Variants in BASP1 observed in about 807,000 individuals in gnomAD.
The protein encoded by BASP1 is brain acid soluble protein 1.
In BASP1, 1 loss-of-function variant was observed where a neutral mutation model predicts 2.2. The observed-to-expected ratio is 0.46, with a 90% confidence interval of 0.16 to 2.17. The LOEUF (loss-of-function observed/expected upper bound fraction) is 2.17, where lower values mean the gene tolerates loss of function less well. BASP1 is among the 30% of genes most tolerant of loss of function. The pLI is 0.27. For synonymous variants in BASP1, 187 were observed against 154.2 expected (o/e 1.21, Z -1.58); for missense variants, 352 against 327.2 (o/e 1.08, Z -0.58).
At chr5:17,230,936 C>T (rs929026500) in intron 1 of BASP1, among the ~76,000 whole-genome samples, 2 of 152,106 alleles carry the variant, frequency 1.3e-5, no homozygotes, top group Non-Finnish European at 2.9e-5. Context: ...GCTTTCCTGG[C>T]TCAAATTTAA....
intron 1 of BASP1, among the ~76,000 whole-genome samples, chr5:17,271,437 C>T (rs182341890): frequency 2.6e-5 from 4 of 152,208 alleles, no homozygotes; most frequent in Non-Finnish European, 5.9e-5. Flanking sequence ...AGGACAGCTC[C>T]AGAATTAGCT....
intron 1 of BASP1, among the ~76,000 whole-genome samples, chr5:17,253,463 T>C (rs1449864438): frequency 1.3e-5 from 2 of 152,216 alleles, no homozygotes; most frequent in Non-Finnish European, 2.9e-5. Context: ...TCCTCCTACC[T>C]TGGCCTCCCA....
At chr5:17,272,071 G>GAAAAAAAAAAAAA (rs778258451) in intron 1 of BASP1, among the ~76,000 whole-genome samples, 1 of 60,234 alleles carries the variant, frequency 1.7e-5, no homozygotes, top group Admixed American at 1.9e-4. Flanking sequence ...TGCATTTCAA[G>GAAAAAAAAAAAAA]AAAAAAAAAA....
At chr5:17,240,665 G>C (rs1240301011) in intron 1 of BASP1, 2 of 152,144 alleles carry the variant, frequency 1.3e-5, no homozygotes, top group African/African-American at 4.8e-5. Context: ...AGATGAACAT[G>C]GCTGCTATGC....
chr5:17,218,348 G>C (rs1739311219), intron 1 of BASP1, among the ~76,000 whole-genome samples: 2 of 152,088 alleles, frequency 1.3e-5, no homozygotes, highest in Admixed American at 6.5e-5. Context: ...GGAAGTGGGT[G>C]GCTTTTTGCT....
At chr5:17,269,949 G>A (rs62348043) in intron 1 of BASP1, among the ~76,000 whole-genome samples, 43,680 of 152,104 alleles carry the variant, frequency 0.29, 7,659 homozygotes, top group Non-Finnish European at 0.38. Flanking sequence ...CTTGGACCAA[G>A]TGATGAAGAG....
intron 1 of BASP1, among the ~76,000 whole-genome samples, chr5:17,226,768 T>TA (rs1739516796): frequency 6.6e-6 from 1 of 152,188 alleles, no homozygotes; most frequent in African/African-American, 2.4e-5. Flanking sequence ...AGATTGACTT[T>TA]AGATGGACAG....
chr5:17,227,440 C>T (rs1469639315), intron 1 of BASP1, among the ~76,000 whole-genome samples: 6 of 151,734 alleles, frequency 4.0e-5, no homozygotes, highest in African/African-American at 7.3e-5. Flanking sequence ...CTCGCCGTGT[C>T]GCCCAGGCTG....
intron 1 of BASP1, among the ~76,000 whole-genome samples, chr5:17,220,619 A>G (rs1739377513): frequency 6.6e-6 from 1 of 152,190 alleles, no homozygotes; most frequent in Non-Finnish European, 1.5e-5. Context: ...TCTGTTCTTT[A>G]ACTGGTACTC....
At chr5:17,269,133 G>C (rs1164261021) in intron 1 of BASP1, among the ~76,000 whole-genome samples, 1 of 152,170 alleles carries the variant, frequency 6.6e-6, no homozygotes, top group East Asian at 1.9e-4. Context: ...ACCTTACCTT[G>C]CTGACCTAGC....
chr5:17,239,829 G>T lies in BASP1; in HGVS notation c.-10+22019G>T, dbSNP rs1444008459. ...TTTGTACTAATTCAAAATCCTCTTT[G>T]CTGGTAACCGTTGTAATGAGGTCTT... On this transcript the variant is annotated intron_variant, in intron 1 of 1. Transcript: ENST00000322611. 2.0e-5 allele frequency among the ~76,000 whole-genome samples: 3 copies of T among 152,142 alleles called. No individual in the cohort carries two copies. The East Asian group carries it at 5.8e-4, about 29-fold the overall frequency.
intron 1 of BASP1, among the ~76,000 whole-genome samples, chr5:17,242,074 T>C (rs1012033880): frequency 3.3e-5 from 5 of 152,316 alleles, no homozygotes; most frequent in African/African-American, 1.2e-4. Context: ...CTTGATTGGC[T>C]GAGGAAGGGG....
chr5:17,231,779 A>G (rs1293001578), intron 1 of BASP1, among the ~76,000 whole-genome samples: 1 of 152,150 alleles, frequency 6.6e-6, no homozygotes, highest in Non-Finnish European at 1.5e-5. Context: ...TCTAGATTAA[A>G]ACATCCAGGA....
Position 17,275,805 on chromosome 5 carries a change from C to T in BASP1, c.589C>T (p.Pro197Ser), listed in dbSNP as rs1000055621. ...AGCCACGGAAGCGCCTAGTTCCACA[C>T]CCAAGGCCCAGGGCCCCGCAGCCTC... ...PAATEAPSST[P>S]KAQGPAASAE... Residue 197 changes from proline (P) to serine (S), a missense_variant, in exon 2 of 2, where the codon CCC (proline) becomes TCC (serine). Physicochemically the swap from Pro to Ser is moderately conservative, Grantham distance 74 (BLOSUM62 -1). Coordinates refer to ENST00000322611, the MANE Select transcript of BASP1 (RefSeq NM_006317.5). This position sits in a 1 kb window ranked among gnomAD's most constrained non-coding sequence, Gnocchi z 5.3. The T allele has an allele frequency of 6.2e-7, 1 of 1,612,776 alleles. No homozygotes were observed.
intron 1 of BASP1, among the ~76,000 whole-genome samples, chr5:17,273,956 G>A (rs539297416): frequency 1.3e-3 from 205 of 152,252 alleles, no homozygotes; most frequent in African/African-American, 4.8e-3. Flanking sequence ...TGTGGTGACA[G>A]AAAAATGGAC....
At chr5:17,258,240 G>C (rs1177703016) in intron 1 of BASP1, among the ~76,000 whole-genome samples, 1 of 152,176 alleles carries the variant, frequency 6.6e-6, no homozygotes, top group African/African-American at 2.4e-5. Context: ...GTTAGACCTG[G>C]CTAGGTTTTC....
At chr5:17,247,729 G>A (rs1011099964) in intron 1 of BASP1, among the ~76,000 whole-genome samples, 3 of 152,170 alleles carry the variant, frequency 2.0e-5, no homozygotes, top group Non-Finnish European at 4.4e-5. Flanking sequence ...GTGAGGCAGC[G>A]GCAGGAATGA....
At chr5:17,234,896 T>A (rs1219429795) in intron 1 of BASP1, among the ~76,000 whole-genome samples, 1 of 152,254 alleles carries the variant, frequency 6.6e-6, no homozygotes, top group Non-Finnish European at 1.5e-5. Flanking sequence ...TTCAATTGGC[T>A]ATTATTTAAA....
At position 17,275,148 on chromosome 5, in the gene BASP1, T is replaced by C. The variant is rs1016879160; in HGVS notation, c.-9-60T>C. 6 of 1,558,740 alleles carry C rather than the reference T, an allele frequency of 3.8e-6. No homozygotes were observed. The highest frequency in any genetic ancestry group is 5.3e-6 in the Non-Finnish European group (6 of 1,141,952). Reference sequence around the variant, plus strand: ...CCCTTGCTTTGCAAAATGCAGCTTTTTGTGGTCCCCACACTTGCCTAGTAA... The same window carrying C: ...CCCTTGCTTTGCAAAATGCAGCTTTCTGTGGTCCCCACACTTGCCTAGTAA... On this transcript the variant is annotated intron_variant, in intron 1 of 1. Coordinates refer to ENST00000322611, the MANE Select transcript of BASP1 (RefSeq NM_006317.5). The surrounding 1 kb of genome is among the most constrained non-coding windows in gnomAD (Gnocchi z 5.3).
Sources: allele counts gnomAD v4.1 joint callset (sites outside exome capture counted in the v4.1 genomes callset), GRCh38; gene constraint gnomAD v4.1.1; non-coding constraint Gnocchi (gnomAD v3.1); transcripts MANE v1.5; gene names NCBI Gene and HGNC (gene_info 2026-07-23, HGNC 2026-07-21).